The following KDM4C variants were observed in gnomAD, a reference collection of about 807,000 sequenced individuals.
KDM4C encodes lysine demethylase 4C, also known as lysine-specific demethylase 4C.
A neutral mutation model predicts 129.3 loss-of-function variants in KDM4C; 81 were observed. The observed-to-expected ratio is 0.63, with a 90% CI of 0.52 to 0.75. KDM4C has a LOEUF of 0.75. Ranked by LOEUF, KDM4C falls within the 30% of genes least tolerant of loss-of-function variation. The pLI, the probability that KDM4C is intolerant of heterozygous loss-of-function variation, is 0.00. For missense variants in KDM4C, 1,457 were observed against 1,304.0 expected, an observed-to-expected ratio of 1.12 and a Z score of -1.81; for synonymous variants, 573 against 456.1, an observed-to-expected ratio of 1.26 and a Z score of -3.26.
At chr9:6,785,431 G>C (rs545842100) in intron 1 of KDM4C, among the ~76,000 whole-genome samples, 1 of 152,062 alleles carries the variant, frequency 6.6e-6, no homozygotes, top group Non-Finnish European at 1.5e-5. Context: ...CTGCCTCCCG[G>C]GTTCAAGCGA....
At position 7,073,500 on chromosome 9, in the gene KDM4C, G is replaced by A. The variant is rs117748369; in HGVS notation, c.2424+24300G>A. On this transcript the variant is annotated intron_variant, in intron 17 of 21. Coordinates refer to ENST00000381309, the MANE Select transcript of KDM4C (RefSeq NM_015061.6). ...AGCTATACTCACCTTTGTGGTGGTAGCTTCCCGATATTCTCAGAGGCTGAA... is the reference window on the plus strand; with the variant it reads ...AGCTATACTCACCTTTGTGGTGGTAACTTCCCGATATTCTCAGAGGCTGAA... Among the ~76,000 whole-genome samples the A allele has an allele frequency of 4.1e-3, 624 of 152,304 alleles. 1 individual carries two copies. The highest frequency in any genetic ancestry group is 6.5e-3 in the Non-Finnish European group (442 of 68,016).
intron 18 of KDM4C, among the ~76,000 whole-genome samples, chr9:7,119,176 G>A (rs1839236792): frequency 6.6e-6 from 1 of 151,916 alleles, no homozygotes; most frequent in South Asian, 2.1e-4. Context: ...CCTTCATTGA[G>A]TTTCATTTCA....
chr9:6,805,131 C>T (rs1027963675), intron 2 of KDM4C, among the ~76,000 whole-genome samples: 3 of 152,122 alleles, frequency 2.0e-5, no homozygotes, highest in Admixed American at 6.5e-5. Flanking sequence ...GAACTCCTGA[C>T]GTGGTGATCC....
chr9:6,796,302 G>C (rs1053103300), intron 2 of KDM4C, among the ~76,000 whole-genome samples: 3 of 152,110 alleles, frequency 2.0e-5, no homozygotes, highest in African/African-American at 7.2e-5. Flanking sequence ...AATTTTAGCC[G>C]GGCTTGGAGG....
chr9:7,095,153 A>G (rs1438470707), intron 17 of KDM4C, among the ~76,000 whole-genome samples: 1 of 152,270 alleles, frequency 6.6e-6, no homozygotes, highest in African/African-American at 2.4e-5. Context: ...CTTGTGGGAC[A>G]CAATTTCTTC....
At chr9:7,131,189 C>G (rs1037881132) in intron 19 of KDM4C, among the ~76,000 whole-genome samples, 1 of 152,114 alleles carries the variant, frequency 6.6e-6, no homozygotes, top group Non-Finnish European at 1.5e-5. Context: ...AATCTCTTGC[C>G]TTCTTGGTTC....
chr9:6,811,365 G>C (rs1172754518), intron 3 of KDM4C, among the ~76,000 whole-genome samples: 1 of 152,130 alleles, frequency 6.6e-6, no homozygotes, highest in South Asian at 2.1e-4. Context: ...ATGTTGGCCA[G>C]GCTGGTCTCT....
intron 3 of KDM4C, among the ~76,000 whole-genome samples, chr9:6,812,418 A>G (rs1265573101): frequency 6.6e-6 from 1 of 151,890 alleles, no homozygotes; most frequent in Non-Finnish European, 1.5e-5. Flanking sequence ...GTGGTCCCCA[A>G]CCTTTTTGGC....
At chr9:6,756,331 C>T (rs145450779), upstream of KDM4C, among the ~76,000 whole-genome samples, 33 of 152,358 alleles carry the variant, frequency 2.2e-4, no homozygotes, top group East Asian at 4.8e-3. Flanking sequence ...ATTATTTTAG[C>T]ATATCCAATT....
At chr9:6,777,235 G>C (rs1307998763) in intron 1 of KDM4C, among the ~76,000 whole-genome samples, 2 of 152,134 alleles carry the variant, frequency 1.3e-5, no homozygotes, top group Non-Finnish European at 2.9e-5. Flanking sequence ...TCTACAGCAG[G>C]GTGGAAGCAG....
intron 15 of KDM4C, among the ~76,000 whole-genome samples, chr9:7,016,248 C>A (rs951235761): frequency 2.6e-5 from 4 of 152,036 alleles, no homozygotes; most frequent in Non-Finnish European, 5.9e-5. Flanking sequence ...CTGCCTCAGC[C>A]TCCCAAGTAG....
chr9:7,036,113 A>G (rs929976072), intron 15 of KDM4C, among the ~76,000 whole-genome samples: 4 of 152,100 alleles, frequency 2.6e-5, no homozygotes, highest in African/African-American at 4.8e-5. Context: ...CTTCCAATCT[A>G]TGAGCTTGGG....
chr9:6,852,888 C>T (rs1027415012), intron 5 of KDM4C, among the ~76,000 whole-genome samples: 3 of 152,112 alleles, frequency 2.0e-5, no homozygotes, highest in Non-Finnish European at 4.4e-5. Flanking sequence ...GCTGCCCCTA[C>T]TTTAGACATT....
At chr9:7,065,769 A>G (rs1832335551) in intron 17 of KDM4C, among the ~76,000 whole-genome samples, 1 of 152,188 alleles carries the variant, frequency 6.6e-6, no homozygotes, top group Non-Finnish European at 1.5e-5. Flanking sequence ...GCCATTTGGT[A>G]TGATTTATTT....
chr9:6,890,088 C>G (rs1845901103), intron 7 of KDM4C, among the ~76,000 whole-genome samples: 1 of 152,138 alleles, frequency 6.6e-6, no homozygotes, highest in Non-Finnish European at 1.5e-5. Flanking sequence ...ACTGTCACTT[C>G]CCCTTTCCAC....
intron 8 of KDM4C, among the ~76,000 whole-genome samples, chr9:6,913,718 A>G (rs914295708): frequency 6.6e-6 from 1 of 152,122 alleles, no homozygotes; most frequent in Non-Finnish European, 1.5e-5. Context: ...GACAGTTTCT[A>G]CTCTATTATG....
At chr9:7,055,468 AATG>A (rs1244163383) in intron 17 of KDM4C, among the ~76,000 whole-genome samples, 2 of 152,238 alleles carry the variant, frequency 1.3e-5, no homozygotes, top group Non-Finnish European at 2.9e-5. Context: ...TTTACACTAC[AATG>A]ATGACTGAGC....
intron 1 of KDM4C, among the ~76,000 whole-genome samples, chr9:6,751,721 T>C (rs1477468505): frequency 2.0e-5 from 3 of 152,156 alleles, no homozygotes; most frequent in Admixed American, 1.3e-4. Flanking sequence ...AACAGGATAG[T>C]TGTTCACAAT....
intron 5 of KDM4C, among the ~76,000 whole-genome samples, chr9:6,866,879 T>C (rs1391665999): frequency 6.8e-6 from 1 of 146,910 alleles, no homozygotes; most frequent in Non-Finnish European, 1.5e-5. Context: ...TTGCTGGTGA[T>C]GACTTGGTGC....
Sources: gnomAD v4.1 joint callset for allele counts (sites outside exome capture counted in the v4.1 genomes callset) on GRCh38, gnomAD v4.1.1 for gene constraint, MANE v1.5 for transcripts, NCBI Gene and HGNC (gene_info 2026-07-23, HGNC 2026-07-21) for gene names.